Variants in LCORL observed in about 807,000 individuals in gnomAD.
The protein encoded by LCORL is ligand dependent nuclear receptor corepressor like, also known as ligand-dependent nuclear receptor corepressor-like protein.
LCORL carries 41 observed loss-of-function variants against 141.8 expected under a neutral mutation model. That is an observed-to-expected ratio of 0.29 (90% CI 0.23 to 0.38). LCORL has a LOEUF of 0.38. Ranked by LOEUF, LCORL falls within the 10% of genes least tolerant of loss-of-function variation. LCORL has a pLI of 1.00. For missense variants in LCORL, 1,759 were observed against 2,035.0 expected (o/e 0.86, Z 2.61); for synonymous variants, 618 against 694.1 (o/e 0.89, Z 1.72).
chr4:17,982,213 T>C lies in LCORL; in HGVS notation c.155-9328A>G, dbSNP rs182285859. Among the ~76,000 whole-genome samples the C allele has an allele frequency of 2.6e-5, 4 of 152,106 alleles. No individual in the cohort carries two copies. The East Asian group carries it at 7.7e-4, about 29-fold the overall frequency. ...TTAGGTTGATTCCATGTCTTTACTA[T>C]TGTGAATAGTGCCACAATGAACATA... is the stretch of plus-strand genomic sequence containing the variant. On this transcript the variant is annotated intron_variant, in intron 1 of 7. Transcript: ENST00000635767.
intron 5 of LCORL, among the ~76,000 whole-genome samples, chr4:17,897,112 T>C (rs1730054730): frequency 6.6e-6 from 1 of 152,116 alleles, no homozygotes; most frequent in South Asian, 2.1e-4. Flanking sequence ...CTTTATCCAT[T>C]TGTCTGCTGA....
rs150114900 is a variant in LCORL at position 17,939,403 on chromosome 4, G to A, written c.430+22500C>T. Among the ~76,000 whole-genome samples the A allele has an allele frequency of 8.8e-4, 134 of 152,102 alleles. 1 individual carries two copies. In the East Asian group the frequency reaches 0.024, roughly 27 times the overall value. On this transcript the variant is annotated intron_variant, in intron 4 of 7. Transcript: ENST00000635767. ...GCTTTCATATTAGATAATATAAATAGGTTTTATGTTTTATATTTTAAATAT... is the reference window on the plus strand; with the variant it reads ...GCTTTCATATTAGATAATATAAATAAGTTTTATGTTTTATATTTTAAATAT...
At chr4:18,003,032 T>C (rs1005069151) in intron 1 of LCORL, among the ~76,000 whole-genome samples, 2 of 152,204 alleles carry the variant, frequency 1.3e-5, no homozygotes, top group African/African-American at 4.8e-5. Flanking sequence ...CATATTTTTT[T>C]AAATCGCAAT....
exon 7 of LCORL, chr4:17,876,777 G>C (rs1370110628): frequency 8.1e-7 from 1 of 1,230,650 alleles, no homozygotes; most frequent in Non-Finnish European, 1.0e-6. Flanking sequence ...TCCATCTGCA[G>C]ATTTCTCCTG....
intron 1 of LCORL, among the ~76,000 whole-genome samples, chr4:18,017,945 C>T (rs1264695700): frequency 2.0e-5 from 3 of 152,024 alleles, no homozygotes; most frequent in Non-Finnish European, 4.4e-5. Flanking sequence ...GAATTACTCT[C>T]AAACTGTTCT....
At chr4:17,886,261 T>C in intron 5 of LCORL, 100 bp from the exon 6 acceptor site, 1 of 708,464 alleles carries the variant, frequency 1.4e-6, no homozygotes, top group Non-Finnish European at 2.5e-6. Flanking sequence ...ATAACACTAG[T>C]ATTTGATATG....
intron 1 of LCORL, among the ~76,000 whole-genome samples, chr4:18,011,013 T>C (rs977081644): frequency 3.3e-5 from 5 of 152,134 alleles, no homozygotes; most frequent in African/African-American, 1.2e-4. Context: ...AGCTCAGTTC[T>C]ATTCCTCTTG....
rs1200970225 is a variant in LCORL, at chr4:17,894,234, CTG to C, written c.683-8075_683-8074del. Among the ~76,000 whole-genome samples, 15 of 152,256 alleles carry C rather than the reference CTG, an allele frequency of 9.9e-5. No homozygotes were observed. The East Asian group carries it at 1.3e-3, about 14-fold the overall frequency. On this transcript the variant is annotated intron_variant, in intron 5 of 7. Coordinates refer to ENST00000635767, the Ensembl canonical transcript of LCORL. Reference sequence around the variant, plus strand: ...ATACACCCATTGTAATGTTGAAAAACTGTAAGTTGAACCATCTTAAGTTGATG... The same window carrying C: ...ATACACCCATTGTAATGTTGAAAAACTAAGTTGAACCATCTTAAGTTGATG...
chr4:17,890,049 T>A (rs889323057), intron 5 of LCORL, among the ~76,000 whole-genome samples: 2 of 152,072 alleles, frequency 1.3e-5, no homozygotes, highest in Non-Finnish European at 2.9e-5. Context: ...GCAGTCTATC[T>A]TATTACACTG....
chr4:17,843,223 G>C, exon 8 of LCORL: 2 of 1,485,102 alleles, frequency 1.3e-6, no homozygotes, highest in Non-Finnish European at 1.8e-6. Flanking sequence ...ATGTGAGTCA[G>C]AAACAAAAAA....
chr4:17,881,521 A>C, intron 6 of LCORL: 1 of 884,380 alleles, frequency 1.1e-6, no homozygotes, highest in South Asian at 5.2e-5. Flanking sequence ...CAAGTACTAA[A>C]ATGCTGCAAA....
chr4:17,976,964 C>T (rs972769204), intron 1 of LCORL, among the ~76,000 whole-genome samples: 4 of 152,146 alleles, frequency 2.6e-5, no homozygotes, highest in Non-Finnish European at 4.4e-5. Context: ...CTCACTAAAT[C>T]TGCGGAATTA....
rs1718390620 is a variant in LCORL, at chr4:17,983,531, TGAATGA to T, written c.155-10652_155-10647del. On this transcript the variant is annotated intron_variant, in intron 1 of 7. Transcript: ENST00000635767. ...TATTTTATTCTTTTTGTGGCAACTG[TGAATGA>T]GACTGAGTTCCTGATTTGGCTCTCG... is the stretch of plus-strand genomic sequence containing the variant. 2.0e-5 allele frequency among the ~76,000 whole-genome samples: 3 copies of T among 152,290 alleles called. No individual in the cohort carries two copies. In the South Asian group the frequency reaches 6.2e-4, roughly 32 times the overall value.
chr4:17,916,594 C>T (rs931255532), intron 4 of LCORL, among the ~76,000 whole-genome samples: 1 of 151,404 alleles, frequency 6.6e-6, no homozygotes, highest in Non-Finnish European at 1.5e-5. Context: ...GTCATGCTTG[C>T]ACAGACTTAC....
chr4:18,000,871 A>G (rs1721838220), intron 1 of LCORL, among the ~76,000 whole-genome samples: 1 of 152,208 alleles, frequency 6.6e-6, no homozygotes, highest in African/African-American at 2.4e-5. Context: ...CTGAGGTGTA[A>G]GATCATGATC....
intron 1 of LCORL, among the ~76,000 whole-genome samples, chr4:18,015,560 T>A (rs1158246432): frequency 6.6e-6 from 1 of 152,010 alleles, no homozygotes; most frequent in Non-Finnish European, 1.5e-5. Flanking sequence ...TATTAGAAGG[T>A]GCCACAATTT....
intron 4 of LCORL, among the ~76,000 whole-genome samples, chr4:17,923,592 G>A (rs1283723278): frequency 6.6e-6 from 1 of 152,144 alleles, no homozygotes. Context: ...GTTGCAGTGA[G>A]CCGAGATTGT....
At chr4:17,896,667 C>T (rs1426697307) in intron 5 of LCORL, among the ~76,000 whole-genome samples, 4 of 152,100 alleles carry the variant, frequency 2.6e-5, no homozygotes, top group South Asian at 2.1e-4. Context: ...AATTGTATAA[C>T]GATCACATCA....
chr4:17,944,712 T>A (rs1738562236), intron 4 of LCORL, among the ~76,000 whole-genome samples: 1 of 152,150 alleles, frequency 6.6e-6, no homozygotes, highest in African/African-American at 2.4e-5. Flanking sequence ...AGGATATATA[T>A]AAATAGAAGT....
Sources: allele counts gnomAD v4.1 joint callset (sites outside exome capture counted in the v4.1 genomes callset), GRCh38; gene constraint gnomAD v4.1.1; transcripts MANE v1.5; gene names NCBI Gene and HGNC (gene_info 2026-07-23, HGNC 2026-07-21).